PDZD2: variants seen among roughly 807,000 people sequenced by gnomAD.
PDZD2 encodes the protein PDZ domain containing 2, also known as PDZ domain-containing protein 2.
A neutral mutation model predicts 220.7 loss-of-function variants in PDZD2; 90 were observed. The ratio of observed to expected loss-of-function variants is 0.41; its 90% CI spans 0.34 to 0.49. The LOEUF is 0.49. Ranked by LOEUF, PDZD2 falls within the 20% of genes least tolerant of loss-of-function variation. PDZD2 has a pLI of 0.28. For synonymous variants in PDZD2, 1,375 were observed against 1,450.5 expected (o/e 0.95, Z 1.18); for missense variants, 3,174 against 3,608.5 (o/e 0.88, Z 3.08).
At chr5:32,003,323 A>C (rs1561317553) in intron 5 of PDZD2, among the ~76,000 whole-genome samples, 3 of 27,588 alleles carry the variant, frequency 1.1e-4, no homozygotes, top group South Asian at 1.4e-3. Context: ...CACCCCACAC[A>C]CACACCCCCA....
chr5:31,780,040 C>A, intron 1 of PDZD2, among the ~76,000 whole-genome samples: 1 of 152,150 alleles, frequency 6.6e-6, no homozygotes, highest in East Asian at 1.9e-4. Context: ...GAAGCAAGCT[C>A]ACTTTTCCAG....
At chr5:32,014,405 G>T (rs755754755) in intron 6 of PDZD2, among the ~76,000 whole-genome samples, 11 of 152,162 alleles carry the variant, frequency 7.2e-5, no homozygotes, top group Non-Finnish European at 1.3e-4. Flanking sequence ...AAACCATATG[G>T]TGAATATCAA....
rs34331530 is a variant in PDZD2, at chr5:31,794,393, C to CT, written c.-360-4474dup. The stretch of plus-strand genomic sequence containing the variant: ...TTAATCATAGTTGGTTTCTTTCTTT[C>CT]TTTTTTTTTTTTTTTTTTTTTTGAG... On this transcript the variant is annotated intron_variant, in intron 1 of 24. Coordinates refer to ENST00000438447, the MANE Select transcript of PDZD2 (RefSeq NM_178140.4). Among the ~76,000 whole-genome samples, 650 of 105,218 alleles carry CT rather than the reference C, an allele frequency of 6.2e-3. 5 individuals carry two copies. The highest frequency in any genetic ancestry group is 0.011 in the Middle Eastern group (2 of 184). The allele number at this position is 105,218 out of a possible 152,430, so 69.0% of individuals were successfully genotyped here.
intron 6 of PDZD2, 21 bp from the exon 7 acceptor site, chr5:32,037,210 T>A (rs990844557): frequency 6.6e-7 from 1 of 1,509,148 alleles, no homozygotes; most frequent in African/African-American, 1.4e-5. Context: ...TCCCATCAGC[T>A]CTGTGCTTTC....
intron 6 of PDZD2, among the ~76,000 whole-genome samples, chr5:32,022,537 G>A (rs760567509): frequency 2.0e-5 from 3 of 151,880 alleles, no homozygotes; most frequent in Non-Finnish European, 2.9e-5. Flanking sequence ...CCCCTTTTCA[G>A]CATAATGAAT....
At chr5:31,908,636 A>G in intron 2 of PDZD2, 1 of 731,596 alleles carries the variant, frequency 1.4e-6, no homozygotes, top group Non-Finnish European at 2.2e-6. Flanking sequence ...ATCAAAGGTT[A>G]CGTGATATCA....
rs143115250 is a variant in PDZD2 at position 31,895,050 on chromosome 5, C to T, written c.477-88105C>T. On this transcript the variant is annotated intron_variant, in intron 2 of 24. Transcript: ENST00000438447. ...GATTACAGGCACCCGCCACCACGCC[C>T]ACCTAATTTTTGTATTTTTAGTAGA... 6.4e-3 allele frequency among the ~76,000 whole-genome samples: 968 copies of T among 152,268 alleles called. 8 individuals carry two copies. The highest frequency in any genetic ancestry group is 0.022 in the African/African-American group (911 of 41,546).
chr5:32,087,495 G>A lies in PDZD2; in HGVS notation c.4047G>A (p.Glu1349=). 1 of 1,613,284 alleles carries A rather than the reference G, an allele frequency of 6.2e-7. No homozygotes were observed. Among genetic ancestry groups the A allele is most frequent in the Non-Finnish European group, 8.5e-7 (1 of 1,179,540 alleles). Residue 1349 remains glutamate (E), a synonymous_variant, in exon 20 of 25, where the codon GAG becomes GAA. Coordinates refer to ENST00000438447, the MANE Select transcript of PDZD2 (RefSeq NM_178140.4). The surrounding 1 kb of genome is among the most constrained non-coding windows in gnomAD (Gnocchi z 4.0). The part of the protein sequence containing the change: ...VLPGDPLTSQ[E]QRQGAPGNHS... ...CAGGAGACCCCCTCACATCCCAGGA[G>A]CAGAGACAGGGAGCTCCAGGTAACC...
At chr5:31,917,567 A>G (rs1470732401) in intron 2 of PDZD2, among the ~76,000 whole-genome samples, 2 of 152,164 alleles carry the variant, frequency 1.3e-5, no homozygotes, top group East Asian at 1.9e-4. Context: ...TGAAGGATGT[A>G]TAGAAATAAA....
At chr5:31,741,374 T>A (rs1750256830) in intron 1 of PDZD2, among the ~76,000 whole-genome samples, 1 of 147,788 alleles carries the variant, frequency 6.8e-6, no homozygotes, top group Non-Finnish European at 1.5e-5. Context: ...TTTTTTTTTT[T>A]TAAAAAGGCT....
intron 2 of PDZD2, among the ~76,000 whole-genome samples, chr5:31,930,588 A>G (rs6897721): frequency 0.79 from 119,779 of 152,108 alleles, 47,221 homozygotes; most frequent in Middle Eastern, 0.85. Flanking sequence ...TTTAGGCGTT[A>G]TCCTTTGGAC....
chr5:32,042,937 G>C (rs1737564500), intron 7 of PDZD2, among the ~76,000 whole-genome samples: 1 of 152,164 alleles, frequency 6.6e-6, no homozygotes, highest in Non-Finnish European at 1.5e-5. Context: ...AAACCAGCGA[G>C]GTCACATTCC....
At chr5:31,961,362 T>C (rs1321023873) in intron 2 of PDZD2, among the ~76,000 whole-genome samples, 1 of 101,906 alleles carries the variant, frequency 9.8e-6, no homozygotes, top group African/African-American at 4.3e-5. Context: ...CGAAACTCCG[T>C]CTCTACAAAA....
chr5:31,874,296 T>C (rs1040514526), intron 2 of PDZD2, among the ~76,000 whole-genome samples: 1 of 152,190 alleles, frequency 6.6e-6, no homozygotes, highest in Non-Finnish European at 1.5e-5. Context: ...CCTGGCCACA[T>C]TGGCACATAA....
intron 24 of PDZD2, among the ~76,000 whole-genome samples, chr5:32,104,822 A>C (rs1424053063): frequency 6.6e-6 from 1 of 151,234 alleles, no homozygotes; most frequent in African/African-American, 2.4e-5. Flanking sequence ...TTTACAATAT[A>C]TTTAATAAAC....
intron 1 of PDZD2, among the ~76,000 whole-genome samples, chr5:31,672,121 C>T (rs1039753822): frequency 6.6e-6 from 1 of 152,138 alleles, no homozygotes; most frequent in South Asian, 2.1e-4. Context: ...CAGACATTGC[C>T]AGGCATACCC....
intron 2 of PDZD2, among the ~76,000 whole-genome samples, chr5:31,959,626 G>A (rs1051887786): frequency 3.3e-5 from 5 of 151,150 alleles, no homozygotes; most frequent in Non-Finnish European, 5.9e-5. Context: ...CTGGGATTAC[G>A]GGCATGAGCC....
intron 1 of PDZD2, among the ~76,000 whole-genome samples, chr5:31,760,117 G>A (rs1333496482): frequency 6.6e-6 from 1 of 152,126 alleles, no homozygotes; most frequent in Non-Finnish European, 1.5e-5. Context: ...GACCCAGAGT[G>A]GGAGGAGAGT....
chr5:31,689,353 A>ATATATATATATATTTTTTTT, intron 1 of PDZD2, among the ~76,000 whole-genome samples: 3 of 35,118 alleles, frequency 8.5e-5, no homozygotes, highest in African/African-American at 2.1e-4. Flanking sequence ...ATATATATAT[A>ATATATATATATATTTTTTTT]TTTTTTTTTT....
Sources: gnomAD v4.1 joint callset for allele counts (sites outside exome capture counted in the v4.1 genomes callset) on GRCh38, gnomAD v4.1.1 for gene constraint, Gnocchi (gnomAD v3.1) non-coding constraint, MANE v1.5 for transcripts, NCBI Gene and HGNC (gene_info 2026-07-23, HGNC 2026-07-21) for gene names.